MPPED2: variants seen among roughly 807,000 people sequenced by gnomAD.
The protein encoded by MPPED2 is metallophosphoesterase MPPED2.
Under a neutral mutation model 33.0 loss-of-function variants are expected in MPPED2, and 5 were observed. The ratio of observed to expected loss-of-function variants is 0.15; its 90% CI spans 0.08 to 0.32. The LOEUF is 0.32. Among genes scored for constraint, MPPED2 ranks in the 10% least tolerant of loss-of-function variants. The probability of loss-of-function intolerance (pLI) is 1.00; values close to 1 mark genes in which losing one functional copy is unlikely to be tolerated. For missense variants in MPPED2, 275 were observed against 372.1 expected (o/e 0.74, Z 2.15); for synonymous variants, 136 against 141.9 (o/e 0.96, Z 0.29).
intron 4 of MPPED2, among the ~76,000 whole-genome samples, chr11:30,449,201 A>G (rs1462122052): frequency 6.6e-6 from 1 of 152,020 alleles, no homozygotes; most frequent in Admixed American, 6.6e-5. Context: ...TGAATGAATG[A>G]ATGCCCCTAT....
chr11:30,406,027 T>C (rs1026485210), downstream of MPPED2, among the ~76,000 whole-genome samples: 1 of 152,100 alleles, frequency 6.6e-6, no homozygotes, highest in Non-Finnish European at 1.5e-5. Flanking sequence ...TCAAAACGCA[T>C]GACAAACAGC....
rs955203051 is a variant in MPPED2 at position 30,586,166 on chromosome 11, G to C, written c.-246C>G. 1 of 152,656 alleles carries C rather than the reference G, an allele frequency of 6.6e-6. No individual in the cohort carries two copies. The highest frequency in any genetic ancestry group is 2.4e-5 in the African/African-American group (1 of 41,438). The allele number at this position is 152,656 out of a possible 1,614,324, so 9.5% of individuals were successfully genotyped here. A position where few individuals can be genotyped will look rare whatever the true frequency, so the allele number is the denominator to read the frequency against. On this transcript the variant is annotated 5_prime_UTR_variant, in exon 1 of 7. Coordinates refer to ENST00000358117, the MANE Select transcript of MPPED2 (RefSeq NM_001584.3). This position sits in a 1 kb window ranked among gnomAD's most constrained non-coding sequence, Gnocchi z 4.8. The stretch of plus-strand genomic sequence containing the variant: ...GGCGCGCGGGGGCGGCGAGGGGCGC[G>C]AGCGGGCCAGAACCTTCGACCCCGG...
intron 4 of MPPED2, among the ~76,000 whole-genome samples, chr11:30,446,534 C>T (rs1328795646): frequency 6.6e-6 from 1 of 152,140 alleles, no homozygotes; most frequent in Non-Finnish European, 1.5e-5. Flanking sequence ...CTCTGGGCAT[C>T]TTTGTCCATG....
chr11:30,484,821 T>C (rs1951646324), intron 4 of MPPED2, among the ~76,000 whole-genome samples: 1 of 152,160 alleles, frequency 6.6e-6, no homozygotes, highest in Admixed American at 6.6e-5. Context: ...CTGTACAATA[T>C]TCACTTTAAA....
At chr11:30,504,222 A>G (rs1393318235) in intron 3 of MPPED2, among the ~76,000 whole-genome samples, 1 of 152,182 alleles carries the variant, frequency 6.6e-6, no homozygotes, top group East Asian at 1.9e-4. Flanking sequence ...CAGCAGGAAC[A>G]GGGAAAATGT....
intron 6 of MPPED2, among the ~76,000 whole-genome samples, chr11:30,412,359 A>T (rs1948146795): frequency 6.6e-6 from 1 of 151,828 alleles, no homozygotes; most frequent in African/African-American, 2.4e-5. Flanking sequence ...TTTCAATATG[A>T]TAAAATGTTT....
intron 2 of MPPED2, among the ~76,000 whole-genome samples, chr11:30,563,475 A>G (rs1401067656): frequency 6.6e-6 from 1 of 152,194 alleles, no homozygotes; most frequent in African/African-American, 2.4e-5. Flanking sequence ...TACCCAAGGT[A>G]GCCTCAATCA....
intron 4 of MPPED2, among the ~76,000 whole-genome samples, chr11:30,438,699 A>G (rs1259496404): frequency 1.3e-5 from 2 of 152,204 alleles, no homozygotes; most frequent in Non-Finnish European, 2.9e-5. Context: ...TCTCGATCCT[A>G]TCTGTACTAC....
At chr11:30,503,119 G>T (rs1011286867) in intron 3 of MPPED2, among the ~76,000 whole-genome samples, 3 of 152,060 alleles carry the variant, frequency 2.0e-5, no homozygotes, top group Non-Finnish European at 4.4e-5. Context: ...CATGAGGGTG[G>T]TTATCCTCAT....
intron 6 of MPPED2, among the ~76,000 whole-genome samples, chr11:30,393,210 G>A (rs1259578802): frequency 6.6e-6 from 1 of 152,090 alleles, no homozygotes; most frequent in Non-Finnish European, 1.5e-5. Flanking sequence ...CCCACAGCCA[G>A]TGTCCCACCC....
chr11:30,581,271 A>C (rs1403011104), intron 1 of MPPED2, among the ~76,000 whole-genome samples: 1 of 152,080 alleles, frequency 6.6e-6, no homozygotes, highest in Non-Finnish European at 1.5e-5. Context: ...TACATCTGCC[A>C]CCTCATTCTT....
Position 30,580,399 on chromosome 11 carries a change from T to C in MPPED2, c.-26A>G, listed in dbSNP as rs757074712. On this transcript the variant is annotated 5_prime_UTR_variant, in exon 2 of 7. Coordinates refer to ENST00000358117, the MANE Select transcript of MPPED2 (RefSeq NM_001584.3). Reference sequence around the variant, plus strand: ...CCTTCCTCCCTATAGGCATGAGCAATTCACAACTTTACAGAGCAAAAGATG... The same window carrying C: ...CCTTCCTCCCTATAGGCATGAGCAACTCACAACTTTACAGAGCAAAAGATG... 6.2e-7 allele frequency: 1 copy of C among 1,612,786 alleles called. No individual in the cohort carries two copies. The highest frequency in any genetic ancestry group is 8.5e-7 in the Non-Finnish European group (1 of 1,179,488).
intron 3 of MPPED2, among the ~76,000 whole-genome samples, chr11:30,520,824 G>A (rs565698742): frequency 2.6e-5 from 4 of 152,278 alleles, no homozygotes; most frequent in South Asian, 2.1e-4. Context: ...TGGTTGCAAA[G>A]GTTGTTCACT....
intron 3 of MPPED2, among the ~76,000 whole-genome samples, chr11:30,499,628 A>G (rs1295729253): frequency 6.6e-6 from 1 of 151,922 alleles, no homozygotes; most frequent in African/African-American, 2.4e-5. Context: ...ATATTTACCC[A>G]CTCCAAGAAA....
intron 4 of MPPED2, among the ~76,000 whole-genome samples, chr11:30,438,210 T>G (rs1949408862): frequency 1.3e-5 from 2 of 152,092 alleles, no homozygotes; most frequent in Admixed American, 6.5e-5. Flanking sequence ...CATGATCCAG[T>G]AAAGGAGAGA....
chr11:30,475,823 C>T (rs1048274498), intron 4 of MPPED2, among the ~76,000 whole-genome samples: 1 of 152,056 alleles, frequency 6.6e-6, no homozygotes, highest in African/African-American at 2.4e-5. Flanking sequence ...TTTTAAGAAA[C>T]TGCCAAAAAG....
At chr11:30,511,881 C>G (rs1953214209) in intron 3 of MPPED2, among the ~76,000 whole-genome samples, 1 of 152,190 alleles carries the variant, frequency 6.6e-6, no homozygotes, top group South Asian at 2.1e-4. Flanking sequence ...AAAATGCAAT[C>G]CATTAGCAAG....
At chr11:30,579,515 G>C (rs972226220) in intron 2 of MPPED2, among the ~76,000 whole-genome samples, 5 of 152,150 alleles carry the variant, frequency 3.3e-5, no homozygotes, top group Non-Finnish European at 7.4e-5. Flanking sequence ...CAGAGGACCA[G>C]AAAAAAGTTG....
At chr11:30,404,245 T>G (rs1181530153) in intron 6 of MPPED2, among the ~76,000 whole-genome samples, 2 of 152,224 alleles carry the variant, frequency 1.3e-5, no homozygotes, top group Non-Finnish European at 2.9e-5. Context: ...GAGAGCTATT[T>G]TGGATTCCAC....
Sources: gnomAD v4.1 joint callset for allele counts (sites outside exome capture counted in the v4.1 genomes callset) on GRCh38, gnomAD v4.1.1 for gene constraint, Gnocchi (gnomAD v3.1) non-coding constraint, MANE v1.5 for transcripts, NCBI Gene and HGNC (gene_info 2026-07-23, HGNC 2026-07-21) for gene names.